TOP2B: variants seen among roughly 807,000 people sequenced by gnomAD.
The protein encoded by TOP2B is DNA topoisomerase II beta, also known as DNA topoisomerase 2-beta.
Under a neutral mutation model 193.5 loss-of-function variants are expected in TOP2B, and 51 were observed. That is an observed-to-expected ratio of 0.26 (90% CI 0.21 to 0.33). The LOEUF is 0.33. TOP2B is among the 10% of genes least tolerant of loss of function. The pLI, the probability that TOP2B is intolerant of heterozygous loss-of-function variation, is 1.00. For missense variants in TOP2B, 1,378 were observed against 1,909.3 expected (o/e 0.72, Z 5.19); for synonymous variants, 634 against 635.7 (o/e 1.00, Z 0.04).
chr3:25,629,964 C>T (rs1702911545), intron 13 of TOP2B, 65 bp downstream of exon 13: 12 of 1,463,376 alleles, frequency 8.2e-6, no homozygotes, highest in African/African-American at 1.4e-5. Flanking sequence ...TCTCATAAAA[C>T]AAATATTAAA....
intron 21 of TOP2B, 25 bp from the exon 22 acceptor site, chr3:25,620,841 T>G: frequency 6.2e-7 from 1 of 1,609,262 alleles, no homozygotes. Context: ...GTAAATAGCA[T>G]TGACTTCTCT....
At chr3:25,653,213 G>A (rs1285927329) in intron 1 of TOP2B, among the ~76,000 whole-genome samples, 1 of 152,042 alleles carries the variant, frequency 6.6e-6, no homozygotes, top group African/African-American at 2.4e-5. Context: ...AATCAAAGAA[G>A]AATTAACTCT....
chr3:25,636,068 G>A lies in TOP2B; in HGVS notation c.720C>T (p.Phe240=), dbSNP rs753003186. ...FDGEDYTCIT[F]QPDLSKFKME... is the part of the protein sequence containing the mutation. Reference sequence around the variant, plus strand: ...TCTTAAATTTGGACAGATCTGGTTGGAATGTTATGCATGTGTAATCTTCAC... The same window carrying A: ...TCTTAAATTTGGACAGATCTGGTTGAAATGTTATGCATGTGTAATCTTCAC... Residue 240 remains phenylalanine, a synonymous_variant, in exon 7 of 36, where the codon TTC becomes TTT. Transcript: ENST00000264331. 1 of 1,612,900 alleles carries A rather than the reference G, an allele frequency of 6.2e-7. No homozygotes were observed. The highest frequency in any genetic ancestry group is 8.5e-7 in the Non-Finnish European group (1 of 1,179,332).
At chr3:25,637,187 A>C in intron 6 of TOP2B, 28 bp downstream of exon 6, 1 of 1,496,742 alleles carries the variant, frequency 6.7e-7, no homozygotes, top group Non-Finnish European at 9.1e-7. Flanking sequence ...TTATTTTAAA[A>C]AAAGAAATAG....
intron 21 of TOP2B, among the ~76,000 whole-genome samples, chr3:25,622,687 C>G (rs1702689488): frequency 6.7e-6 from 1 of 149,590 alleles, no homozygotes; most frequent in Non-Finnish European, 1.5e-5. Flanking sequence ...GTTCCCCAAG[C>G]TGGAGTACAG....
chr3:25,652,005 G>A (rs1408862554), intron 1 of TOP2B, among the ~76,000 whole-genome samples: 2 of 152,116 alleles, frequency 1.3e-5, no homozygotes, highest in Non-Finnish European at 2.9e-5. Context: ...ATAAAAGGAT[G>A]GAAAAAGATA....
Position 25,664,291 on chromosome 3 carries a change from T to C in TOP2B, c.7A>G (p.Lys3Glu). 2 of 1,532,804 alleles carry C rather than the reference T, an allele frequency of 1.3e-6. No homozygotes were observed. The highest frequency in any genetic ancestry group is 8.7e-7 in the Non-Finnish European group (1 of 1,144,764). 95.0% of individuals were successfully genotyped at this position (1,532,804 alleles called of 1,614,324 possible). The part of the protein sequence containing the change: MA[K>E]SGGCGAGAGV... ...GCTCCCGCGCCGCAGCCACCCGACT[T>C]GGCCATGGCGAGTGCCTCCAGCTCA... The change falls in exon 1 of 36, where the codon AAG becomes GAG. Residue 3 changes from lysine (K) to glutamate (E), a missense_variant. Transcript: ENST00000264331.
At chr3:25,626,368 T>C (rs1330389804) in intron 18 of TOP2B, among the ~76,000 whole-genome samples, 192 bp downstream of exon 18, 1 of 152,114 alleles carries the variant, frequency 6.6e-6, no homozygotes, top group African/African-American at 2.4e-5. Context: ...TTAAGGAATA[T>C]TAAAGATTTC....
chr3:25,614,555 C>G (rs968565251), intron 27 of TOP2B, among the ~76,000 whole-genome samples: 2 of 151,756 alleles, frequency 1.3e-5, no homozygotes, highest in African/African-American at 2.4e-5. Flanking sequence ...CTTAAGAGTT[C>G]TAATTCTGAC....
In TOP2B at chr3:25,657,943, C is replaced by T. The variant is rs1006316286; in HGVS notation, c.69+6286G>A. Among the ~76,000 whole-genome samples, 16 of 138,948 alleles carry T rather than the reference C, an allele frequency of 1.2e-4. 2 individuals carry two copies. The highest frequency in any genetic ancestry group is 4.3e-4 in the African/African-American group (14 of 32,800). 91.2% of individuals were successfully genotyped at this position (138,948 alleles called of 152,430 possible). ...GGGCGTAGTGGCGGGCGCCTGTAGT[C>T]CCAGCTACTTGGGAGGCTGAGGCAG... On this transcript the variant is annotated intron_variant, in intron 1 of 35. Transcript: ENST00000264331.
Position 25,598,007 on chromosome 3 carries a change from A to AATTTC in TOP2B, c.*295_*299dup, listed in dbSNP as rs200466278. On this transcript the variant is annotated 3_prime_UTR_variant, in exon 36 of 36. Coordinates refer to ENST00000264331, the MANE Select transcript of TOP2B (RefSeq NM_001330700.2). ...AACACAGTTCCATTTTTAATGTTTA[A>AATTTC]ATTTCATTTCAAAAAGCAGGTCTGT... is the stretch of plus-strand genomic sequence containing the variant. 3.0e-3 allele frequency: 572 copies of AATTTC among 190,638 alleles called. 4 individuals carry two copies. Among genetic ancestry groups the AATTTC allele is most frequent in the African/African-American group, 0.012 (527 of 43,140 alleles). 11.8% of individuals were successfully genotyped at this position (190,638 alleles called of 1,614,324 possible).
intron 1 of TOP2B, among the ~76,000 whole-genome samples, chr3:25,647,883 T>C (rs1703456147): frequency 6.6e-6 from 1 of 152,188 alleles, no homozygotes; most frequent in African/African-American, 2.4e-5. Context: ...CCCCAGGCCT[T>C]TCTTTCCCCA....
intron 1 of TOP2B, among the ~76,000 whole-genome samples, chr3:25,657,145 C>G (rs1397357399): frequency 2.0e-5 from 3 of 152,176 alleles, no homozygotes; most frequent in African/African-American, 7.2e-5. Context: ...ACAGGAGGTT[C>G]TCCCCTGAGA....
chr3:25,611,031 T>C (rs1040400796), intron 28 of TOP2B, among the ~76,000 whole-genome samples: 4 of 152,200 alleles, frequency 2.6e-5, no homozygotes, highest in Non-Finnish European at 5.9e-5. Context: ...GAACAGATTT[T>C]GAAATCAGGA....
chr3:25,657,887 C>T (rs1703793653), intron 1 of TOP2B, among the ~76,000 whole-genome samples: 1 of 147,454 alleles, frequency 6.8e-6, no homozygotes, highest in East Asian at 2.0e-4. Flanking sequence ...CGGTGAAACC[C>T]CGTCTCTACT....
At chr3:25,624,014 T>C (rs534129623) in intron 20 of TOP2B, among the ~76,000 whole-genome samples, 1 of 152,332 alleles carries the variant, frequency 6.6e-6, no homozygotes, top group South Asian at 2.1e-4. Context: ...TTTTAAAGAA[T>C]TTCCTATTAC....
At position 25,598,306 on chromosome 3, in the gene TOP2B, C is replaced by CTT. The variant is rs1553638628; in HGVS notation, c.4880_4881dup. Reference sequence around the variant, plus strand: ...GAAAAATGTTTGTGCTCTTTGGGCACTTAATTAAACATTGCAAAATCAACA... The same window carrying CTT: ...GAAAAATGTTTGTGCTCTTTGGGCACTTTTAATTAAACATTGCAAAATCAACA... On this transcript the variant is annotated 3_prime_UTR_variant, in exon 36 of 36. Coordinates refer to ENST00000264331, the MANE Select transcript of TOP2B (RefSeq NM_001330700.2). The CTT allele has an allele frequency of 1.9e-6, 3 of 1,601,636 alleles. No individual in the cohort carries two copies. The highest frequency in any genetic ancestry group is 2.7e-5 in the African/African-American group (2 of 74,622).
intron 10 of TOP2B, among the ~76,000 whole-genome samples, chr3:25,631,426 A>G (rs1702953084): frequency 6.6e-6 from 1 of 152,104 alleles, no homozygotes; most frequent in South Asian, 2.1e-4. Context: ...ATAGCTTGGT[A>G]ATAAAGATTT....
In TOP2B at chr3:25,620,810, T is replaced by C. The variant is rs1284261303; in HGVS notation, c.2734A>G (p.Asn912Asp). The C allele has an allele frequency of 6.2e-7, 1 of 1,613,220 alleles. No homozygotes were observed. The highest frequency in any genetic ancestry group is 1.1e-5 in the South Asian group (1 of 90,928). ...DGLDPHPMLP[N>D]YKNFKGTIQE... ...ATCGTGCCTTTAAAGTTTTTGTAGT[T>C]TGGAAGCTGTAGAGAAAAAGGTAAA... Residue 912 changes from asparagine (N) to aspartate (D), a missense_variant, in exon 22 of 36, where the codon AAC becomes GAC. Asn to Asp is a conservative substitution (Grantham distance 23, BLOSUM62 1). Around this residue, in one of 9 missense-constraint regions of TOP2B, gnomAD observed 379 missense variants for 615.1 expected, o/e 0.62. Transcript: ENST00000264331.
Sources: allele counts gnomAD v4.1 joint callset (sites outside exome capture counted in the v4.1 genomes callset), GRCh38; gene constraint gnomAD v4.1.1; regional missense constraint gnomAD v4.1.1; transcripts MANE v1.5; gene names NCBI Gene and HGNC (gene_info 2026-07-23, HGNC 2026-07-21).